The following EML4 variants were observed in gnomAD, a reference collection of about 807,000 sequenced individuals.
The protein encoded by EML4 is EMAP like 4.
A neutral mutation model predicts 129.0 loss-of-function variants in EML4; 72 were observed. The ratio of observed to expected loss-of-function variants is 0.56; its 90% CI spans 0.46 to 0.68. The LOEUF (loss-of-function observed/expected upper bound fraction) is 0.68. Ranked by LOEUF, EML4 falls within the 30% of genes least tolerant of loss-of-function variation. The pLI is 0.00. For missense variants in EML4, 1,363 were observed against 1,190.6 expected (o/e 1.14, Z -2.13); for synonymous variants, 532 against 405.0 (o/e 1.31, Z -3.77).
At position 42,227,869 on chromosome 2, in the gene EML4, T is replaced by C. The variant is rs181084910; in HGVS notation, c.26-17636T>C. 7.9e-5 allele frequency among the ~76,000 whole-genome samples: 12 copies of C among 152,332 alleles called. No homozygotes were observed. In the East Asian group the frequency reaches 2.3e-3, roughly 29 times the overall value. ...ATATGTGTTAATCAACTGTTTGTTATCAGTAAGGCTTCCGGTCAACCGCAG... is the reference window on the plus strand; with the variant it reads ...ATATGTGTTAATCAACTGTTTGTTACCAGTAAGGCTTCCGGTCAACCGCAG... On this transcript the variant is annotated intron_variant, in intron 1 of 22. Coordinates refer to ENST00000318522, the MANE Select transcript of EML4 (RefSeq NM_019063.5).
At chr2:42,238,855 C>G (rs1160845434) in intron 1 of EML4, among the ~76,000 whole-genome samples, 3 of 152,168 alleles carry the variant, frequency 2.0e-5, no homozygotes, top group Non-Finnish European at 2.9e-5. Context: ...ACAGTCATGC[C>G]TTACTGCAGC....
chr2:42,290,938 A>T (rs1667607372), intron 11 of EML4, among the ~76,000 whole-genome samples: 1 of 152,198 alleles, frequency 6.6e-6, no homozygotes, highest in East Asian at 1.9e-4. Context: ...ATATATGTGG[A>T]AATATGAAGG....
At chr2:42,195,771 A>G (rs187853157) in intron 1 of EML4, among the ~76,000 whole-genome samples, 1 of 152,358 alleles carries the variant, frequency 6.6e-6, no homozygotes, top group African/African-American at 2.4e-5. Flanking sequence ...CTTTATTGCA[A>G]CACTACATAT....
chr2:42,260,078 T>C lies in EML4; in HGVS notation c.339-1043T>C, dbSNP rs1264531211. Among the ~76,000 whole-genome samples the C allele has an allele frequency of 4.0e-5, 6 of 151,574 alleles. No individual in the cohort carries two copies. In the East Asian group the frequency reaches 1.2e-3, roughly 30 times the overall value. On this transcript the variant is annotated intron_variant, in intron 3 of 22. Transcript: ENST00000318522. ...CAGAGTCTCACTTTGTTGCCCAGGC[T>C]GGTCTTGAACTCCTGGGCTCAAGTA...
intron 3 of EML4, among the ~76,000 whole-genome samples, chr2:42,259,839 C>G (rs1458482796): frequency 6.7e-6 from 1 of 148,630 alleles, no homozygotes; most frequent in Non-Finnish European, 1.5e-5. Context: ...ACACCATTCT[C>G]CTGCCTCAAC....
chr2:42,302,742 C>T lies in EML4; in HGVS notation c.1642-362C>T, dbSNP rs182519991. 4.3e-3 allele frequency among the ~76,000 whole-genome samples: 648 copies of T among 152,198 alleles called. 10 individuals carry two copies. The highest frequency in any genetic ancestry group is 0.014 in the African/African-American group (582 of 41,520). The stretch of plus-strand genomic sequence containing the variant: ...AGAGACAGGGTTTCACCATGTTGGC[C>T]AGGCTGGTCTCGAACTCCTGACCTC... On this transcript the variant is annotated intron_variant, in intron 14 of 22. Transcript: ENST00000318522.
intron 4 of EML4, chr2:42,261,497 GAAA>G (rs10573221): frequency 0.05 from 11,061 of 219,396 alleles, 603 homozygotes; most frequent in African/African-American, 0.2. Context: ...GTTAAAACTG[GAAA>G]AAAAAAAAAA....
At chr2:42,255,260 T>C (rs1676056084) in intron 2 of EML4, among the ~76,000 whole-genome samples, 1 of 151,886 alleles carries the variant, frequency 6.6e-6, no homozygotes, top group Non-Finnish European at 1.5e-5. Context: ...TAATTTTTTG[T>C]ATTTTTAGTA....
chr2:42,331,202 T>C lies in EML4; in HGVS notation c.*995T>C. 1 of 219,934 alleles carries C rather than the reference T, an allele frequency of 4.5e-6. No homozygotes were observed. Among genetic ancestry groups the C allele is most frequent in the Non-Finnish European group, 9.1e-6 (1 of 109,468 alleles). 13.6% of individuals were successfully genotyped at this position (219,934 alleles called of 1,614,324 possible). A position where few individuals can be genotyped will look rare whatever the true frequency, so the allele number is the denominator to read the frequency against. On this transcript the variant is annotated 3_prime_UTR_variant, in exon 23 of 23. Transcript: ENST00000318522. The stretch of plus-strand genomic sequence containing the variant: ...TTTTGTTGTAATTTTATACAGATTA[T>C]ATGAGGGATAAGATACTCATCAAAT...
chr2:42,248,586 G>A (rs965125267), intron 2 of EML4, among the ~76,000 whole-genome samples: 2 of 152,014 alleles, frequency 1.3e-5, no homozygotes, highest in Admixed American at 1.3e-4. Flanking sequence ...GATCAGTTTG[G>A]TTAATGGCTC....
intron 21 of EML4, 22 bp downstream of exon 21, chr2:42,326,274 T>C (rs749179806): frequency 6.5e-7 from 1 of 1,541,564 alleles, no homozygotes; most frequent in African/African-American, 1.4e-5. Context: ...ACACCTGATG[T>C]AAAGAAGTGG....
At chr2:42,297,773 C>A (rs924843794) in intron 13 of EML4, among the ~76,000 whole-genome samples, 3 of 152,154 alleles carry the variant, frequency 2.0e-5, no homozygotes, top group Admixed American at 1.3e-4. Flanking sequence ...ACTGTGACAT[C>A]CTGTCTGATA....
intron 6 of EML4, among the ~76,000 whole-genome samples, chr2:42,267,619 G>C (rs1666133401): frequency 6.6e-6 from 1 of 152,166 alleles, no homozygotes. Context: ...AAGCTAGAAA[G>C]CTGCATATTC....
intron 21 of EML4, among the ~76,000 whole-genome samples, chr2:42,328,556 A>G (rs891281912): frequency 6.6e-6 from 1 of 152,226 alleles, no homozygotes; most frequent in African/African-American, 2.4e-5. Flanking sequence ...AGAAACTTTA[A>G]AAAGGAAGAG....
intron 1 of EML4, among the ~76,000 whole-genome samples, chr2:42,204,982 A>G (rs1672458324): frequency 6.6e-6 from 1 of 152,226 alleles, no homozygotes; most frequent in East Asian, 1.9e-4. Context: ...TTTAGAAATC[A>G]TAAATATTCA....
At chr2:42,295,665 C>G in intron 13 of EML4, 149 bp downstream of exon 13, 3 of 625,160 alleles carry the variant, frequency 4.8e-6, no homozygotes. Context: ...TCTTCATAAT[C>G]TTTTTTTAAT....
At chr2:42,224,247 C>G (rs1210946679) in intron 1 of EML4, among the ~76,000 whole-genome samples, 1 of 152,116 alleles carries the variant, frequency 6.6e-6, no homozygotes, top group Non-Finnish European at 1.5e-5. Context: ...AGCTGCTAAT[C>G]TACTTTATCT....
chr2:42,274,886 TC>T (rs1666574123), intron 6 of EML4, among the ~76,000 whole-genome samples: 1 of 152,164 alleles, frequency 6.6e-6, no homozygotes. Context: ...ATCAAGTATT[TC>T]AATTTTTTGC....
chr2:42,311,442 A>G (rs1361130084), intron 17 of EML4, among the ~76,000 whole-genome samples: 3 of 152,124 alleles, frequency 2.0e-5, no homozygotes, highest in Non-Finnish European at 2.9e-5. Flanking sequence ...GGTCCCAGCT[A>G]CTTGGGAGGC....
Sources: gnomAD v4.1 joint callset for allele counts (sites outside exome capture counted in the v4.1 genomes callset) on GRCh38, gnomAD v4.1.1 for gene constraint, MANE v1.5 for transcripts, NCBI Gene and HGNC (gene_info 2026-07-23, HGNC 2026-07-21) for gene names.